The following MYO10 variants were observed in gnomAD, a reference collection of about 807,000 sequenced individuals.
MYO10 encodes the protein myosin X, also known as unconventional myosin-X.
Under a neutral mutation model 257.3 loss-of-function variants are expected in MYO10, and 133 were observed. The ratio of observed to expected loss-of-function variants is 0.52; its 90% CI spans 0.45 to 0.60. The LOEUF is 0.60. MYO10 is among the 20% of genes least tolerant of loss of function. MYO10 has a pLI of 0.00. For synonymous variants in MYO10, 1,104 were observed against 1,028.6 expected (o/e 1.07, Z -1.40); for missense variants, 2,399 against 2,635.7 (o/e 0.91, Z 1.97).
chr5:16,669,357 G>A (rs1736332236), intron 39 of MYO10, among the ~76,000 whole-genome samples: 1 of 152,074 alleles, frequency 6.6e-6, no homozygotes, highest in Admixed American at 6.5e-5. Flanking sequence ...GGGATTACAG[G>A]TGCATGCCAC....
At chr5:16,867,052 G>A (rs914102423) in intron 2 of MYO10, among the ~76,000 whole-genome samples, 5 of 152,220 alleles carry the variant, frequency 3.3e-5, no homozygotes, top group Admixed American at 6.5e-5. Context: ...GTGCTCCTGC[G>A]CACCCGGGCA....
At chr5:16,794,616 GA>G (rs1560988321) in intron 4 of MYO10, 29 bp downstream of exon 4, 1 of 1,578,906 alleles carries the variant, frequency 6.3e-7, no homozygotes, top group Non-Finnish European at 8.6e-7. Context: ...TGGGCCATGG[GA>G]AAGTCCGACT....
At chr5:16,685,312 G>C (rs979023412) in intron 29 of MYO10, among the ~76,000 whole-genome samples, 7 of 152,000 alleles carry the variant, frequency 4.6e-5, no homozygotes, top group Non-Finnish European at 1.0e-4. Context: ...TCAGGCTCAA[G>C]CAATCCTCCT....
intron 10 of MYO10, among the ~76,000 whole-genome samples, chr5:16,767,691 T>C (rs1285828000): frequency 6.6e-6 from 1 of 152,084 alleles, no homozygotes; most frequent in African/African-American, 2.4e-5. Flanking sequence ...TTTCACTTTT[T>C]TTTTGAGATA....
At position 16,670,657 on chromosome 5, in the gene MYO10, A is replaced by G; in HGVS notation, c.5752T>C (p.Ser1918Pro). 6 of 1,613,932 alleles carry G rather than the reference A, an allele frequency of 3.7e-6. No individual in the cohort carries two copies. Among genetic ancestry groups the G allele is most frequent in the Non-Finnish European group, 5.1e-6 (6 of 1,179,874 alleles). The change falls in exon 39 of 41, where the codon TCC (serine) becomes CCC (proline). Residue 1918 changes from serine (S) to proline (P), a missense_variant. Transcript: ENST00000513610. ...MLDMWIKEEV[S>P]SARASIIDKW... ...TCAATGATACTGGCTCGAGCAGAGG[A>G]GACTTCTTCCTTAATCCACATGTCC...
intron 1 of MYO10, chr5:16,902,347 G>A (rs1745404425): frequency 8.6e-7 from 1 of 1,168,394 alleles, no homozygotes; most frequent in Admixed American, 1.7e-5. Context: ...CTAAATCAGG[G>A]TGGGGGTGTT....
At chr5:16,690,594 C>G (rs1737455372) in intron 27 of MYO10, among the ~76,000 whole-genome samples, 1 of 152,122 alleles carries the variant, frequency 6.6e-6, no homozygotes. Flanking sequence ...AGCCCCCACT[C>G]CTGCCTGCAA....
chr5:16,860,275 GA>G (rs1244812524), intron 2 of MYO10, among the ~76,000 whole-genome samples: 4 of 152,168 alleles, frequency 2.6e-5, no homozygotes, highest in Non-Finnish European at 5.9e-5. Context: ...CACAGGGCAG[GA>G]AGTAGCTCGA....
At chr5:16,677,195 G>A (rs565355001) in intron 33 of MYO10, among the ~76,000 whole-genome samples, 4 of 152,124 alleles carry the variant, frequency 2.6e-5, no homozygotes, top group Admixed American at 2.0e-4. Context: ...TCATTCTATC[G>A]TGGTAATTTC....
intron 2 of MYO10, among the ~76,000 whole-genome samples, chr5:16,851,655 A>C (rs1177794172): frequency 2.6e-5 from 4 of 152,190 alleles, no homozygotes; most frequent in Admixed American, 1.3e-4. Context: ...TTTCACATTT[A>C]TTTGCCATGC....
intron 1 of MYO10, among the ~76,000 whole-genome samples, chr5:16,897,796 C>A (rs1189434494): frequency 6.6e-6 from 1 of 152,160 alleles, no homozygotes; most frequent in Admixed American, 6.5e-5. Flanking sequence ...GGTTGAAACC[C>A]CTCCAAGAGG....
At chr5:16,905,030 A>G (rs1233982864) in intron 1 of MYO10, among the ~76,000 whole-genome samples, 3 of 152,226 alleles carry the variant, frequency 2.0e-5, no homozygotes, top group African/African-American at 4.8e-5. Context: ...TACTGGGACT[A>G]AATCACCCAA....
intron 1 of MYO10, among the ~76,000 whole-genome samples, chr5:16,910,715 A>C (rs529876216): frequency 2.6e-5 from 4 of 152,296 alleles, no homozygotes; most frequent in African/African-American, 9.6e-5. Context: ...GATTAAACCC[A>C]TATTACAAAA....
At chr5:16,810,444 A>G (rs1361973063) in intron 3 of MYO10, among the ~76,000 whole-genome samples, 1 of 152,106 alleles carries the variant, frequency 6.6e-6, no homozygotes, top group East Asian at 1.9e-4. Flanking sequence ...TCTCAGCCAT[A>G]TCACTTCCCT....
At position 16,751,265 on chromosome 5, in the gene MYO10, A is replaced by AT. The variant is rs57252112; in HGVS notation, c.1929+3562_1929+3563insA. ...AAGAATCTATCTTTGGATTAAAAAA[A>AT]ATATATAAGGAAGTCTAAATAAAGG... On this transcript the variant is annotated intron_variant, in intron 19 of 40. Transcript: ENST00000513610. 8.1e-3 allele frequency among the ~76,000 whole-genome samples: 1,236 copies of AT among 152,294 alleles called. 21 individuals carry two copies. Among genetic ancestry groups the AT allele is most frequent in the African/African-American group, 0.027 (1,142 of 41,552 alleles).
chr5:16,835,691 G>A (rs903700230), intron 2 of MYO10, among the ~76,000 whole-genome samples: 2 of 151,214 alleles, frequency 1.3e-5, no homozygotes, highest in African/African-American at 4.9e-5. Context: ...AAGGAAATCT[G>A]TAGAAATATC....
At chr5:16,835,575 C>T (rs1415310942) in intron 2 of MYO10, among the ~76,000 whole-genome samples, 1 of 118,268 alleles carries the variant, frequency 8.5e-6, no homozygotes, top group Non-Finnish European at 1.6e-5. Context: ...GGTACAAAAA[C>T]TAGGAGAACT....
chr5:16,690,066 T>C lies in MYO10; in HGVS notation c.3801-147A>G. The C allele has an allele frequency of 4.7e-6, 3 of 640,814 alleles. No individual in the cohort carries two copies. In the South Asian group the frequency reaches 5.5e-5, roughly 12 times the overall value. The allele number at this position is 640,814 out of a possible 1,614,324, so 39.7% of individuals were successfully genotyped here. ...ACAGTTGGCTCTCCATATCTGCGAG[T>C]TCAGGATTTGTGGGTTCTGCACCTG... On this transcript the variant is annotated intron_variant, in intron 27 of 40. Coordinates refer to ENST00000513610, the MANE Select transcript of MYO10 (RefSeq NM_012334.3).
chr5:16,742,618 G>A (rs899550635), intron 19 of MYO10, among the ~76,000 whole-genome samples: 2 of 151,904 alleles, frequency 1.3e-5, no homozygotes, highest in Non-Finnish European at 1.5e-5. Context: ...TCAGGAGTTC[G>A]AGACCAGCCT....
Sources: gnomAD v4.1 joint callset for allele counts (sites outside exome capture counted in the v4.1 genomes callset) on GRCh38, gnomAD v4.1.1 for gene constraint, MANE v1.5 for transcripts, NCBI Gene and HGNC (gene_info 2026-07-23, HGNC 2026-07-21) for gene names.